The following CNBD1 variants were observed in gnomAD, a reference collection of about 807,000 sequenced individuals.
CNBD1 encodes cyclic nucleotide binding domain containing 1, also known as cyclic nucleotide-binding domain-containing protein 1.
A neutral mutation model predicts 54.4 loss-of-function variants in CNBD1; 71 were observed. That is an observed-to-expected ratio of 1.30 (90% CI 1.08 to 1.59). CNBD1 has a LOEUF of 1.59. CNBD1 is among the 40% of genes most tolerant of loss of function. CNBD1 has a pLI of 0.00. For synonymous variants in CNBD1, 182 were observed against 170.7 expected (o/e 1.07, Z -0.51); for missense variants, 659 against 518.0 (o/e 1.27, Z -2.64).
chr8:86,893,060 C>A (rs911942082), intron 2 of CNBD1, among the ~76,000 whole-genome samples: 27 of 152,236 alleles, frequency 1.8e-4, no homozygotes, highest in African/African-American at 4.6e-4. Context: ...TGGAATGAAG[C>A]CATTTTTTAT....
chr8:87,419,726 G>A (rs1311869950), intron 2 of CNBD1, among the ~76,000 whole-genome samples: 2 of 151,680 alleles, frequency 1.3e-5, no homozygotes, highest in Admixed American at 1.3e-4. Context: ...TGAATATTTA[G>A]TTTAAAATAT....
chr8:87,385,255 A>G (rs1164849154), downstream of CNBD1, among the ~76,000 whole-genome samples: 1 of 151,938 alleles, frequency 6.6e-6, no homozygotes, highest in African/African-American at 2.4e-5. Context: ...CTCACTGGGG[A>G]GTGTTGGACG....
intron 6 of CNBD1, among the ~76,000 whole-genome samples, chr8:87,248,231 A>G (rs577784005): frequency 6.6e-6 from 1 of 152,190 alleles, no homozygotes; most frequent in Non-Finnish European, 1.5e-5. Flanking sequence ...CCTCTCTAGC[A>G]ATTGTGCCTC....
chr8:87,243,929 TG>T (rs1245911162), intron 6 of CNBD1, among the ~76,000 whole-genome samples: 2 of 152,166 alleles, frequency 1.3e-5, no homozygotes, highest in Non-Finnish European at 2.9e-5. Flanking sequence ...GTTTATGTTT[TG>T]TTTTTTTAAT....
At chr8:87,303,507 A>C (rs1461684547) in intron 8 of CNBD1, among the ~76,000 whole-genome samples, 3 of 152,104 alleles carry the variant, frequency 2.0e-5, no homozygotes, top group Non-Finnish European at 2.9e-5. Flanking sequence ...TAAAGACTTA[A>C]ATGTTAGACC....
chr8:87,372,445 ATACTT>A (rs1269612013), intron 10 of CNBD1, among the ~76,000 whole-genome samples: 1 of 151,894 alleles, frequency 6.6e-6, no homozygotes, highest in Non-Finnish European at 1.5e-5. Flanking sequence ...TAAAAAGTAA[ATACTT>A]TATAATGTTT....
chr8:87,360,255 A>C (rs1018396103), intron 10 of CNBD1, among the ~76,000 whole-genome samples: 1 of 152,018 alleles, frequency 6.6e-6, no homozygotes, highest in Non-Finnish European at 1.5e-5. Context: ...GTCTATATAT[A>C]AAATATAGTA....
At chr8:87,014,726 AT>A (rs1304717749) in intron 4 of CNBD1, among the ~76,000 whole-genome samples, 1 of 152,044 alleles carries the variant, frequency 6.6e-6, no homozygotes, top group Non-Finnish European at 1.5e-5. Context: ...CTTTTTTAAC[AT>A]TCTTATTAGA....
rs1028495735 is a variant in CNBD1 at position 87,418,504 on chromosome 8, A to G, written c.214-10042A>G. ...GCACAAACAACCAAAGAAAGACTAG[A>G]TAAACTGGACTTTATACAAATTAAA... On this transcript the variant is annotated intron_variant, in intron 2 of 7. Coordinates refer to the CNBD1 transcript ENST00000521593. Among the ~76,000 whole-genome samples the G allele has an allele frequency of 8.6e-5, 13 of 151,980 alleles. 1 individual carries two copies. The highest frequency in any genetic ancestry group is 1.5e-5 in the Non-Finnish European group (1 of 67,922).
intron 8 of CNBD1, among the ~76,000 whole-genome samples, chr8:87,339,537 T>A (rs181808326): frequency 1.3e-5 from 2 of 152,066 alleles, no homozygotes; most frequent in African/African-American, 4.8e-5. Context: ...TTCAGTTTGT[T>A]CAGCATTTTG....
intron 4 of CNBD1, among the ~76,000 whole-genome samples, chr8:87,010,135 G>A (rs573904206): frequency 2.0e-5 from 3 of 152,078 alleles, no homozygotes; most frequent in African/African-American, 7.2e-5. Flanking sequence ...ATTCAATGAA[G>A]TTACAGCTTG....
intron 5 of CNBD1, among the ~76,000 whole-genome samples, chr8:87,234,141 C>T (rs1007255244): frequency 3.9e-5 from 6 of 152,132 alleles, no homozygotes; most frequent in African/African-American, 1.4e-4. Flanking sequence ...AGTTATCTTG[C>T]TCTTTCCACC....
intron 4 of CNBD1, among the ~76,000 whole-genome samples, chr8:87,081,798 G>A (rs745971381): frequency 6.6e-6 from 1 of 152,034 alleles, no homozygotes; most frequent in African/African-American, 2.4e-5. Context: ...GAGCCACCAC[G>A]CCTGGCCTGG....
chr8:86,944,490 G>A (rs2130434851), intron 4 of CNBD1, among the ~76,000 whole-genome samples: 1 of 152,322 alleles, frequency 6.6e-6, no homozygotes, highest in Admixed American at 6.5e-5. Flanking sequence ...TGAAACAGGA[G>A]AAAGAGGAGA....
At chr8:87,359,576 T>A (rs978696959) in intron 10 of CNBD1, among the ~76,000 whole-genome samples, 6 of 152,112 alleles carry the variant, frequency 3.9e-5, no homozygotes, top group Admixed American at 2.6e-4. Context: ...GCTGAAATAA[T>A]TTTCACATAT....
intron 8 of CNBD1, among the ~76,000 whole-genome samples, chr8:87,312,977 C>T (rs1040010941): frequency 9.9e-5 from 15 of 151,960 alleles, no homozygotes; most frequent in African/African-American, 3.1e-4. Context: ...GCCTAAATTT[C>T]GCAAACGACA....
intron 10 of CNBD1, among the ~76,000 whole-genome samples, chr8:87,361,344 A>T (rs1289550181): frequency 1.3e-5 from 2 of 152,000 alleles, no homozygotes; most frequent in East Asian, 3.9e-4. Flanking sequence ...AATATCTTTA[A>T]TGATAAATGA....
At chr8:87,379,054 G>A (rs1364590534) in intron 10 of CNBD1, among the ~76,000 whole-genome samples, 1 of 150,788 alleles carries the variant, frequency 6.6e-6, no homozygotes, top group African/African-American at 2.5e-5. Context: ...GAGATTTGGG[G>A]CTGAGACAAT....
intron 8 of CNBD1, among the ~76,000 whole-genome samples, chr8:87,336,908 C>T (rs1378596711): frequency 3.9e-5 from 6 of 152,026 alleles, no homozygotes; most frequent in Admixed American, 3.9e-4. Flanking sequence ...ATGCTGCTGT[C>T]ATTGCTTTCT....
Sources: gnomAD v4.1 joint callset for allele counts (sites outside exome capture counted in the v4.1 genomes callset) on GRCh38, gnomAD v4.1.1 for gene constraint, MANE v1.5 for transcripts, NCBI Gene and HGNC (gene_info 2026-07-23, HGNC 2026-07-21) for gene names.